ZNF594: variants seen among roughly 807,000 people sequenced by gnomAD.
ZNF594 encodes zinc finger protein 594, also known as zinc finger protein HZF18.
For missense variants in ZNF594, 1,037 were observed against 964.6 expected, an observed-to-expected ratio of 1.08 and a Z score of -0.99; for synonymous variants, 336 against 309.4, an observed-to-expected ratio of 1.09 and a Z score of -0.90.
At chr17:5,177,089 G>A (rs1014813125), downstream of ZNF594, among the ~76,000 whole-genome samples, 10 of 151,736 alleles carry the variant, frequency 6.6e-5, no homozygotes, top group Admixed American at 2.0e-4. Flanking sequence ...CCAGCTACTC[G>A]GCAGGCTGAG....
In ZNF594 at chr17:5,183,959, T is replaced by C; in HGVS notation, c.298A>G (p.Arg100Gly). 1.2e-6 allele frequency: 2 copies of C among 1,614,066 alleles called. No homozygotes were observed. Among genetic ancestry groups the C allele is most frequent in the Non-Finnish European group, 1.7e-6 (2 of 1,180,024 alleles). ...AAGTTTTGGCCACTAACCTCATATC[T>C]ATGGGAGCTTTCTCCTGCAGAAAGT... ...KILSAGESSH[R>G]YEVSGQNFKQ... The change falls in exon 2 of 2, where the codon AGA (arginine) becomes GGA (glycine). Residue 100 changes from arginine (R) to glycine (G), a missense_variant. Coordinates refer to ENST00000575779, the MANE Select transcript of ZNF594 (RefSeq NM_032530.2).
chr17:5,181,300 A>C lies in ZNF594; in HGVS notation c.*533T>G. Reference sequence around the variant, plus strand: ...GAGCTCTGATTGAAAGTTTTCCCACATTCTTTACATTCATATGGTTTCTCT... The same window carrying C: ...GAGCTCTGATTGAAAGTTTTCCCACCTTCTTTACATTCATATGGTTTCTCT... On this transcript the variant is annotated 3_prime_UTR_variant, in exon 2 of 2. Transcript: ENST00000575779. The C allele has an allele frequency of 6.2e-7, 1 of 1,612,856 alleles. No homozygotes were observed. Among genetic ancestry groups the C allele is most frequent in the Non-Finnish European group, 8.5e-7 (1 of 1,178,866 alleles).
chr17:5,183,702 A>G lies in ZNF594; in HGVS notation c.555T>C (p.Cys185=). 2 of 1,614,086 alleles carry G rather than the reference A, an allele frequency of 1.2e-6. No individual in the cohort carries two copies. Among genetic ancestry groups the G allele is most frequent in the Non-Finnish European group, 1.7e-6 (2 of 1,180,028 alleles). The change falls in exon 2 of 2, where the codon TGT becomes TGC. Residue 185 remains cysteine, a synonymous_variant. Transcript: ENST00000575779. The part of the protein sequence containing the change: ...RIHTGKKPYI[C]HECGKDFNQS... ...GATTGAAGTCTTTTCCACATTCATG[A>G]CATATATAAGGTTTCTTTCCTGTAT... is the stretch of plus-strand genomic sequence containing the variant.
At chr17:5,190,228 C>T (rs2074412568) in intron 1 of ZNF594, among the ~76,000 whole-genome samples, 1 of 152,008 alleles carries the variant, frequency 6.6e-6, no homozygotes, top group Non-Finnish European at 1.5e-5. Context: ...ATTAGCTGGG[C>T]GTGGTGGCAC....
intron 1 of ZNF594, among the ~76,000 whole-genome samples, chr17:5,185,028 C>T (rs56124424): frequency 0.042 from 6,472 of 152,324 alleles, 180 homozygotes; most frequent in Non-Finnish European, 0.065. Flanking sequence ...TTCTCTTCTT[C>T]TCAGACCTCA....
At chr17:5,175,485 CA>C (rs983636766), downstream of ZNF594, among the ~76,000 whole-genome samples, 1 of 152,096 alleles carries the variant, frequency 6.6e-6, no homozygotes, top group African/African-American at 2.4e-5. Flanking sequence ...TCCCTGGTGC[CA>C]AAAAGGTTGG....
At chr17:5,185,487 T>C (rs1411193534) in intron 1 of ZNF594, among the ~76,000 whole-genome samples, 1 of 152,166 alleles carries the variant, frequency 6.6e-6, no homozygotes, top group Non-Finnish European at 1.5e-5. Context: ...CAATTCAAGA[T>C]GAGACTTGAG....
Position 5,184,085 on chromosome 17 carries a change from G to A in ZNF594, c.172C>T (p.His58Tyr). ...WVSPLKDAMR[H>Y]LPSQESGIRE... ...ATACCGCTCTCTTGGGAAGGGAGAT[G>A]TCTCATTGCATCCTTTAAAGGGCTT... The change falls in exon 2 of 2, where the codon CAT (histidine) becomes TAT (tyrosine). Residue 58 changes from histidine (H) to tyrosine (Y), a missense_variant. His to Tyr is a moderately conservative substitution (Grantham distance 83). Coordinates refer to ENST00000575779, the MANE Select transcript of ZNF594 (RefSeq NM_032530.2). The A allele has an allele frequency of 6.2e-7, 1 of 1,614,186 alleles. No homozygotes were observed. The highest frequency in any genetic ancestry group is 8.5e-7 in the Non-Finnish European group (1 of 1,180,034).
rs939336687 is a variant in ZNF594, at chr17:5,188,951, A to G, written c.-21+2797T>C. 4.6e-5 allele frequency among the ~76,000 whole-genome samples: 7 copies of G among 151,834 alleles called. No individual in the cohort carries two copies. The East Asian group carries it at 5.8e-4, about 13-fold the overall frequency. ...TTTAGTAGAGACGGGGTTTCACCAC[A>G]TTAGCCAGGATGGTCTCGATCTCCT... On this transcript the variant is annotated intron_variant, in intron 1 of 1. Transcript: ENST00000575779.
Position 5,183,018 on chromosome 17 carries a change from G to T in ZNF594, c.1239C>A (p.Phe413Leu), listed in dbSNP as rs376002763. ...PYECKECGKT[F>L]NQSSDLLRHH... is the part of the protein sequence containing the mutation. ...GTCTCAGAAGGTCTGAGCTCTGATT[G>T]AAAGTTTTCCCACATTCTTTACATT... is the stretch of plus-strand genomic sequence containing the variant. Residue 413 changes from phenylalanine to leucine, a missense_variant, in exon 2 of 2, where the codon TTC becomes TTA. Physicochemically the swap from Phe to Leu is conservative, Grantham distance 22. Transcript: ENST00000575779. 10 of 1,613,890 alleles carry T rather than the reference G, an allele frequency of 6.2e-6. No individual in the cohort carries two copies. The highest frequency in any genetic ancestry group is 3.3e-5 in the South Asian group (3 of 91,056).
chr17:5,183,344 T>G lies in ZNF594; in HGVS notation c.913A>C (p.Arg305=). The G allele has an allele frequency of 6.2e-7, 1 of 1,613,876 alleles. No homozygotes were observed. The highest frequency in any genetic ancestry group is 1.1e-5 in the South Asian group (1 of 91,086). ...TGTTCAGTAAGGTGAGAATGCTGCC[T>G]GAAGGCTTTTTCACATTCATTACAT... ...LKCNECEKAF[R]QHSHLTEHQR... The change falls in exon 2 of 2, where the codon AGG becomes CGG. Residue 305 remains arginine (R), a synonymous_variant. Coordinates refer to ENST00000575779, the MANE Select transcript of ZNF594 (RefSeq NM_032530.2).
chr17:5,184,398 A>C, intron 1 of ZNF594, 122 bp from the exon 2 acceptor site: 3 of 1,017,692 alleles, frequency 2.9e-6, no homozygotes, highest in Non-Finnish European at 4.2e-6. Flanking sequence ...CAAAGCTGAG[A>C]TGTGGCTTTC....
rs957934032 is a variant in ZNF594 at position 5,182,160 on chromosome 17, C to G, written c.2097G>C (p.Arg699=). 7 of 1,613,412 alleles carry G rather than the reference C, an allele frequency of 4.3e-6. No individual in the cohort carries two copies. The highest frequency in any genetic ancestry group is 1.3e-5 in the African/African-American group (1 of 74,428). The part of the protein sequence containing the change: ...FRRRSLLIQH[R]RLHSGEKPYE... ...AGGGTTTCTCACCACTATGAAGTCTCCGATGTTGAATAAGGAGGGAACGCC... is the reference window on the plus strand; with the variant it reads ...AGGGTTTCTCACCACTATGAAGTCTGCGATGTTGAATAAGGAGGGAACGCC... Residue 699 remains arginine, a synonymous_variant, in exon 2 of 2, where the codon CGG becomes CGC. Coordinates refer to ENST00000575779, the MANE Select transcript of ZNF594 (RefSeq NM_032530.2).
chr17:5,181,249 G>T lies in ZNF594; in HGVS notation c.*584C>A, dbSNP rs762521372. 6.2e-7 allele frequency: 1 copy of T among 1,612,434 alleles called. No homozygotes were observed. The highest frequency in any genetic ancestry group is 8.5e-7 in the Non-Finnish European group (1 of 1,178,450). On this transcript the variant is annotated 3_prime_UTR_variant, in exon 2 of 2. Transcript: ENST00000575779. ...CATACATAAGGTTTTTCTCCACTGTGAATTCTATGATGTCTCAGAAGGTCT... is the reference window on the plus strand; with the variant it reads ...CATACATAAGGTTTTTCTCCACTGTTAATTCTATGATGTCTCAGAAGGTCT...
At chr17:5,186,238 G>A (rs1598135200) in intron 1 of ZNF594, among the ~76,000 whole-genome samples, 2 of 152,218 alleles carry the variant, frequency 1.3e-5, no homozygotes, top group African/African-American at 4.8e-5. Flanking sequence ...AATCCAGGTG[G>A]AAGTTCCCAA....
downstream of ZNF594, among the ~76,000 whole-genome samples, chr17:5,178,297 T>C (rs1184308664): frequency 6.6e-6 from 1 of 152,058 alleles, no homozygotes; most frequent in Non-Finnish European, 1.5e-5. Context: ...ACATAAAATA[T>C]CCTATTTTCA....
intron 1 of ZNF594, among the ~76,000 whole-genome samples, chr17:5,187,854 A>G (rs2074395339): frequency 6.6e-6 from 1 of 151,070 alleles, no homozygotes; most frequent in East Asian, 1.9e-4. Context: ...TAATGTGTCC[A>G]TAGAACAGAC....
rs746612608 is a variant in ZNF594 at position 5,182,679 on chromosome 17, A to C, written c.1578T>G (p.Ile526Met). The C allele has an allele frequency of 3.1e-6, 5 of 1,613,272 alleles. No homozygotes were observed. In the African/African-American group the frequency reaches 5.4e-5, roughly 17 times the overall value. The change falls in exon 2 of 2, where the codon ATT becomes ATG. Residue 526 changes from isoleucine to methionine, a missense_variant. By Grantham distance (10) the Ile-to-Met change is conservative. Transcript: ENST00000575779. ...YECKECGKLFIWRTAFLKHQS... is the reference protein window; with the variant it reads ...YECKECGKLFMWRTAFLKHQS... ...GATGTTTGAGGAAAGCTGTGCGCCAAATGAAGAGCTTCCCACATTCCTTAC... is the reference window on the plus strand; with the variant it reads ...GATGTTTGAGGAAAGCTGTGCGCCACATGAAGAGCTTCCCACATTCCTTAC...
intron 1 of ZNF594, among the ~76,000 whole-genome samples, chr17:5,187,385 G>C (rs1598136292): frequency 6.6e-6 from 1 of 152,186 alleles, no homozygotes; most frequent in African/African-American, 2.4e-5. Flanking sequence ...CACAACATAT[G>C]GGAATTATGG....
Sources: allele counts gnomAD v4.1 joint callset (sites outside exome capture counted in the v4.1 genomes callset), GRCh38; gene constraint gnomAD v4.1.1; transcripts MANE v1.5; gene names NCBI Gene and HGNC (gene_info 2026-07-23, HGNC 2026-07-21).